The following EEF1E1 variants were observed in gnomAD, a reference collection of about 807,000 sequenced individuals.
EEF1E1 encodes eukaryotic translation elongation factor 1 epsilon-1.
A neutral mutation model predicts 19.9 loss-of-function variants in EEF1E1; 19 were observed. The ratio of observed to expected loss-of-function variants is 0.95; its 90% CI spans 0.66 to 1.40. The LOEUF is 1.40. Among genes scored for constraint, EEF1E1 ranks in the 40% most tolerant of loss-of-function variants. EEF1E1 has a pLI of 0.00. For synonymous variants in EEF1E1, 81 were observed against 80.0 expected, an observed-to-expected ratio of 1.01 and a Z score of -0.07; for missense variants, 198 against 202.2, an observed-to-expected ratio of 0.98 and a Z score of 0.13.
intron 1 of EEF1E1, 67 bp from the exon 2 acceptor site, chr6:8,097,534 G>A: frequency 7.7e-7 from 1 of 1,291,850 alleles, no homozygotes; most frequent in Non-Finnish European, 1.1e-6. Flanking sequence ...TAACTTCTAA[G>A]TAACCACGAA....
intron 1 of EEF1E1, 122 bp downstream of exon 1, chr6:8,102,313 G>T: frequency 9.4e-7 from 1 of 1,059,510 alleles, no homozygotes; most frequent in Non-Finnish European, 1.3e-6. Flanking sequence ...GCAGACACGT[G>T]GGGAGCTGGG....
At chr6:8,100,534 C>A (rs1561646696) in intron 1 of EEF1E1, among the ~76,000 whole-genome samples, 1 of 152,304 alleles carries the variant, frequency 6.6e-6, no homozygotes, top group South Asian at 2.1e-4. Context: ...AACAATCTTT[C>A]CATGTCCAGC....
downstream of EEF1E1, among the ~76,000 whole-genome samples, chr6:8,076,472 C>T (rs972819937): frequency 3.3e-5 from 5 of 151,938 alleles, no homozygotes; most frequent in Middle Eastern, 3.2e-3. Flanking sequence ...TACAGGCGCC[C>T]ACCACCACGC....
intron 3 of EEF1E1, among the ~76,000 whole-genome samples, chr6:8,089,237 A>G (rs1757949384): frequency 6.6e-6 from 1 of 152,226 alleles, no homozygotes; most frequent in Non-Finnish European, 1.5e-5. Context: ...TTTGGAAAAG[A>G]GGAGTCAAAT....
chr6:8,100,685 G>T (rs1050054275), intron 1 of EEF1E1, among the ~76,000 whole-genome samples: 1 of 151,952 alleles, frequency 6.6e-6, no homozygotes. Flanking sequence ...TTTCCTTGCA[G>T]TTAGCTCCTC....
chr6:8,073,431 T>C (rs2113625933), exon 4 of EEF1E1: 5 of 1,550,848 alleles, frequency 3.2e-6, no homozygotes, highest in Non-Finnish European at 4.4e-6. Context: ...ACATTTGTGT[T>C]TGAATCTCAG....
intron 2 of EEF1E1, among the ~76,000 whole-genome samples, chr6:8,095,199 G>A (rs1399181609): frequency 6.6e-6 from 1 of 151,974 alleles, no homozygotes; most frequent in African/African-American, 2.4e-5. Flanking sequence ...CATTGTCGGT[G>A]AACAAAAAAA....
chr6:8,090,091 G>T (rs1182129882), intron 3 of EEF1E1, 95 bp downstream of exon 3: 1 of 1,059,284 alleles, frequency 9.4e-7, no homozygotes, highest in Non-Finnish European at 1.3e-6. Flanking sequence ...TATTTGATAA[G>T]CCAAAAATGC....
chr6:8,076,468 C>T (rs965047101), downstream of EEF1E1, among the ~76,000 whole-genome samples: 2 of 151,994 alleles, frequency 1.3e-5, no homozygotes, highest in African/African-American at 2.4e-5. Flanking sequence ...GGACTACAGG[C>T]GCCCACCACC....
At chr6:8,095,241 C>A in intron 2 of EEF1E1, 1 of 243,408 alleles carries the variant, frequency 4.1e-6, no homozygotes, top group Non-Finnish European at 8.6e-6. Flanking sequence ...TGACTCACGC[C>A]AGTAATCCCA....
At chr6:8,077,515 G>C (rs2113632031), downstream of EEF1E1, among the ~76,000 whole-genome samples, 1 of 152,320 alleles carries the variant, frequency 6.6e-6, no homozygotes, top group Non-Finnish European at 1.5e-5. Context: ...GTCTACGTTA[G>C]CACTTGCTGC....
chr6:8,090,990 G>A lies in EEF1E1; in HGVS notation c.289-709C>T, dbSNP rs567745215. On this transcript the variant is annotated intron_variant, in intron 2 of 3. Coordinates refer to ENST00000379715, the MANE Select transcript of EEF1E1 (RefSeq NM_004280.5). The stretch of plus-strand genomic sequence containing the variant: ...GCTACTGTAATGCTGCTGTGAACAG[G>A]AGCGTACAAACATCTCTTCAAAACC... Among the ~76,000 whole-genome samples the A allele has an allele frequency of 4.6e-5, 7 of 152,304 alleles. No homozygotes were observed. In the East Asian group the frequency reaches 1.3e-3, roughly 29 times the overall value.
intron 3 of EEF1E1, among the ~76,000 whole-genome samples, chr6:8,087,621 G>A (rs574491492): frequency 6.6e-6 from 1 of 152,364 alleles, no homozygotes; most frequent in African/African-American, 2.4e-5. Context: ...CCAAAGTGCT[G>A]GGATTACAGG....
At chr6:8,094,217 T>C (rs1758102292) in intron 2 of EEF1E1, among the ~76,000 whole-genome samples, 1 of 152,204 alleles carries the variant, frequency 6.6e-6, no homozygotes, top group South Asian at 2.1e-4. Flanking sequence ...TATGATACTA[T>C]AATAATGTAC....
intron 1 of EEF1E1, among the ~76,000 whole-genome samples, chr6:8,099,511 C>G (rs890461751): frequency 6.6e-6 from 1 of 152,158 alleles, no homozygotes; most frequent in Admixed American, 6.5e-5. Context: ...CTTTGGGAGG[C>G]TGAGGTGGGC....
rs147766296 is a variant in EEF1E1, at chr6:8,073,677, G to A, written c.385-167C>T. On this transcript the variant is annotated intron_variant, in intron 3 of 3. Transcript: ENST00000429723. ...CTTCATAACTGAATACTACAGAATC[G>A]TAAAATTAGCTCTGAATCATGAAAA... is the stretch of plus-strand genomic sequence containing the variant. Among the ~76,000 whole-genome samples, 824 of 152,254 alleles carry A rather than the reference G, an allele frequency of 5.4e-3. 10 individuals are homozygous for A. The highest frequency in any genetic ancestry group is 0.018 in the African/African-American group (749 of 41,542).
intron 3 of EEF1E1, among the ~76,000 whole-genome samples, chr6:8,081,837 A>T (rs1160684376): frequency 6.6e-6 from 1 of 152,236 alleles, no homozygotes; most frequent in East Asian, 1.9e-4. Context: ...ACTTGATTTC[A>T]TGTCAGCTGC....
At chr6:8,093,865 C>T (rs1004584592) in intron 2 of EEF1E1, among the ~76,000 whole-genome samples, 2 of 151,868 alleles carry the variant, frequency 1.3e-5, no homozygotes, top group African/African-American at 4.8e-5. Context: ...TGGAGTGACC[C>T]TGGCTCACTG....
downstream of EEF1E1, chr6:8,079,326 T>C (rs766937376): frequency 6.2e-5 from 50 of 808,696 alleles, no homozygotes; most frequent in Non-Finnish European, 7.0e-5. Flanking sequence ...CAGTTTCCCG[T>C]AGGGCAGTTC....
Sources: gnomAD v4.1 joint callset for allele counts (sites outside exome capture counted in the v4.1 genomes callset) on GRCh38, gnomAD v4.1.1 for gene constraint, MANE v1.5 for transcripts, NCBI Gene and HGNC (gene_info 2026-07-23, HGNC 2026-07-21) for gene names.